RAPGEF2: variants seen among roughly 807,000 people sequenced by gnomAD.
RAPGEF2 encodes the protein PDZ domain containing guanine nucleotide exchange factor (GEF) 1.
RAPGEF2 carries 54 observed loss-of-function variants against 186.7 expected under a neutral mutation model. The ratio of observed to expected loss-of-function variants is 0.29; its 90% CI spans 0.23 to 0.36. The LOEUF is 0.36. Among genes scored for constraint, RAPGEF2 ranks in the 10% least tolerant of loss-of-function variants. The pLI, the probability that RAPGEF2 is intolerant of heterozygous loss-of-function variation, is 1.00. For synonymous variants in RAPGEF2, 712 were observed against 705.9 expected (o/e 1.01, Z -0.14); for missense variants, 1,532 against 2,045.0 (o/e 0.75, Z 4.84).
chr4:159,357,614 C>T (rs868514785), intron 29 of RAPGEF2, among the ~76,000 whole-genome samples: 29 of 152,096 alleles, frequency 1.9e-4, no homozygotes, highest in African/African-American at 6.0e-4. Context: ...GCCCGGGAGG[C>T]GGAGGTTGCA....
rs116459551 is a variant in RAPGEF2 at position 159,316,055 on chromosome 4, C to G, written c.853+1287C>G. Among the ~76,000 whole-genome samples, 1,282 of 152,294 alleles carry G rather than the reference C, an allele frequency of 8.4e-3. 15 individuals are homozygous for G. Among genetic ancestry groups the G allele is most frequent in the African/African-American group, 0.028 (1,178 of 41,556 alleles). ...TTTTTCCATGACACTGAGGCTACCG[C>G]TAGACCATGGTCCGCCTGGCAACGG... On this transcript the variant is annotated intron_variant, in intron 9 of 29. Coordinates refer to ENST00000691494, the MANE Select transcript of RAPGEF2 (RefSeq NM_001394067.2).
intron 7 of RAPGEF2, among the ~76,000 whole-genome samples, chr4:159,256,631 C>G (rs1052917647): frequency 6.6e-6 from 1 of 152,182 alleles, no homozygotes; most frequent in African/African-American, 2.4e-5. Flanking sequence ...ACACTGTCTT[C>G]CACAATTATT....
chr4:159,276,154 C>T lies in RAPGEF2; in HGVS notation c.544-28188C>T, dbSNP rs183439213. Among the ~76,000 whole-genome samples, 474 of 152,098 alleles carry T rather than the reference C, an allele frequency of 3.1e-3. 3 individuals are homozygous for T. Among genetic ancestry groups the T allele is most frequent in the African/African-American group, 0.011 (446 of 41,492 alleles). On this transcript the variant is annotated intron_variant, in intron 7 of 29. Transcript: ENST00000691494. ...TTAGAATGATTCTATAGTCACTGGGCCTATAGTGGCTGGGTTGGTGGGGTT... is the reference window on the plus strand; with the variant it reads ...TTAGAATGATTCTATAGTCACTGGGTCTATAGTGGCTGGGTTGGTGGGGTT...
intron 1 of RAPGEF2, among the ~76,000 whole-genome samples, chr4:159,110,749 C>T (rs911541384): frequency 3.3e-5 from 5 of 152,202 alleles, no homozygotes; most frequent in East Asian, 1.9e-4. Flanking sequence ...TGACTTGTGA[C>T]GACACAATGT....
chr4:159,275,215 A>G (rs370437703), intron 7 of RAPGEF2, among the ~76,000 whole-genome samples: 1 of 152,090 alleles, frequency 6.6e-6, no homozygotes, highest in Non-Finnish European at 1.5e-5. Context: ...AATATGCCCC[A>G]TATGCTTCAG....
rs768785193 is a variant in RAPGEF2, at chr4:159,350,166, ATTCT to A, written c.3749_3752del (p.Ser1250CysfsTer95). ...AAACTCTCCACAAGCTTTAAAAAAA[ATTCT>A]TTCTTTGTCTGAAGAAGGAAGTTTG... On this transcript the variant is annotated frameshift_variant, in exon 26 of 30. Coordinates refer to ENST00000691494, the MANE Select transcript of RAPGEF2 (RefSeq NM_001394067.2). LOFTEE classifies it high-confidence loss of function. The A allele has an allele frequency of 6.3e-7, 1 of 1,575,852 alleles. No homozygotes were observed. The highest frequency in any genetic ancestry group is 8.6e-7 in the Non-Finnish European group (1 of 1,160,906).
At chr4:159,255,324 T>C (rs1387765145) in intron 7 of RAPGEF2, among the ~76,000 whole-genome samples, 1 of 152,120 alleles carries the variant, frequency 6.6e-6, no homozygotes, top group East Asian at 1.9e-4. Flanking sequence ...TCTAGAATTC[T>C]TCTCTTTCTT....
rs779090343 is a variant in RAPGEF2 at position 159,193,233 on chromosome 4, C to T, written c.174C>T (p.His58=). The change falls in exon 3 of 30, where the codon CAC becomes CAT. Residue 58 remains histidine (H), a synonymous_variant. Transcript: ENST00000691494. ...LMCETVRYER[H]EANEVLYYPD... ...GTGAAACTGTGAGATATGAGAGACACGAAGCAAATGAAGTTTTATACTAGT... is the reference window on the plus strand; with the variant it reads ...GTGAAACTGTGAGATATGAGAGACATGAAGCAAATGAAGTTTTATACTAGT... 1.0e-4 allele frequency: 153 copies of T among 1,502,198 alleles called. No homozygotes were observed. Among genetic ancestry groups the T allele is most frequent in the African/African-American group, 1.9e-4 (14 of 71,830 alleles). The allele number at this position is 1,502,198 out of a possible 1,614,324, so 93.1% of individuals were successfully genotyped here. A position where few individuals can be genotyped will look rare whatever the true frequency, so the allele number is the denominator to read the frequency against.
chr4:159,274,877 A>G (rs1182798176), intron 7 of RAPGEF2, among the ~76,000 whole-genome samples: 1 of 152,364 alleles, frequency 6.6e-6, no homozygotes, highest in South Asian at 2.1e-4. Context: ...AACAAATTGC[A>G]TCATACAAGA....
chr4:159,256,551 G>T (rs1015922398), intron 7 of RAPGEF2, among the ~76,000 whole-genome samples: 9 of 152,126 alleles, frequency 5.9e-5, no homozygotes, highest in African/African-American at 2.2e-4. Context: ...TCTATTCTTT[G>T]GGTATATACC....
At chr4:159,268,566 C>G (rs1219605543) in intron 7 of RAPGEF2, among the ~76,000 whole-genome samples, 1 of 152,054 alleles carries the variant, frequency 6.6e-6, no homozygotes, top group Non-Finnish European at 1.5e-5. Context: ...GAGAAATCAT[C>G]AGAAAGGTTA....
At chr4:159,234,940 A>G (rs1202581965) in intron 4 of RAPGEF2, among the ~76,000 whole-genome samples, 1 of 152,122 alleles carries the variant, frequency 6.6e-6, no homozygotes, top group African/African-American at 2.4e-5. Context: ...TTGTATTTTT[A>G]GTAGAGACAG....
intron 1 of RAPGEF2, among the ~76,000 whole-genome samples, chr4:159,116,071 G>A (rs1445435768): frequency 6.6e-6 from 1 of 152,074 alleles, no homozygotes; most frequent in African/African-American, 2.4e-5. Context: ...TGCAGCAAAA[G>A]CAACAATTGA....
intron 11 of RAPGEF2, among the ~76,000 whole-genome samples, chr4:159,324,470 T>C (rs1006314820): frequency 2.0e-5 from 3 of 152,218 alleles, no homozygotes; most frequent in African/African-American, 4.8e-5. Flanking sequence ...TATTTTTAAA[T>C]TGCCAACAGT....
At chr4:159,215,835 AT>A (rs1489118315) in intron 4 of RAPGEF2, among the ~76,000 whole-genome samples, 3 of 152,196 alleles carry the variant, frequency 2.0e-5, no homozygotes, top group African/African-American at 4.8e-5. Flanking sequence ...CAAGATGCCA[AT>A]AGGAGGTTGG....
At position 159,103,710 on chromosome 4, in the gene RAPGEF2, A is replaced by ATC. The variant is rs1294092936; in HGVS notation, c.-453_-452insTC. On this transcript the variant is annotated 5_prime_UTR_variant, in exon 1 of 30. Transcript: ENST00000691494. ...GGGGCGACCCTCAGCGCCGTGGGGGAGGAGGCTCCGCCTGCCCACAGCCCT... is the reference window on the plus strand; with the variant it reads ...GGGGCGACCCTCAGCGCCGTGGGGGATCGGAGGCTCCGCCTGCCCACAGCCCT... 5.2e-5 allele frequency: 8 copies of ATC among 152,576 alleles called. 1 individual carries two copies. The East Asian group carries it at 1.5e-3, about 30-fold the overall frequency. 9.5% of individuals were successfully genotyped at this position (152,576 alleles called of 1,614,324 possible). A position where few individuals can be genotyped will look rare whatever the true frequency, so the allele number is the denominator to read the frequency against.
At chr4:159,188,294 C>G (rs1406955051) in intron 2 of RAPGEF2, among the ~76,000 whole-genome samples, 1 of 152,086 alleles carries the variant, frequency 6.6e-6, no homozygotes, top group East Asian at 1.9e-4. Context: ...TTATATAATG[C>G]ATTTTATTTA....
chr4:159,342,936 T>C (rs1729764075), intron 20 of RAPGEF2, 43 bp from the exon 21 acceptor site: 1 of 1,532,504 alleles, frequency 6.5e-7, no homozygotes, highest in South Asian at 1.1e-5. Flanking sequence ...CTGTACACTA[T>C]TTTACTTTAG....
At chr4:159,357,763 T>C (rs922184015) in intron 29 of RAPGEF2, among the ~76,000 whole-genome samples, 1 of 152,220 alleles carries the variant, frequency 6.6e-6, no homozygotes, top group Admixed American at 6.5e-5. Context: ...ACTATTAAAA[T>C]GTTGTTATAT....
Sources: allele counts gnomAD v4.1 joint callset (sites outside exome capture counted in the v4.1 genomes callset), GRCh38; gene constraint gnomAD v4.1.1; transcripts MANE v1.5; gene names NCBI Gene and HGNC (gene_info 2026-07-23, HGNC 2026-07-21).